Variants in ADAMTS2 observed in about 807,000 individuals in gnomAD.
The protein encoded by ADAMTS2 is A disintegrin and metalloproteinase with thrombospondin motifs 2.
A neutral mutation model predicts 123.0 loss-of-function variants in ADAMTS2; 50 were observed. The observed-to-expected ratio is 0.41, with a 90% confidence interval of 0.32 to 0.51. The LOEUF is 0.51. ADAMTS2 is among the 20% of genes least tolerant of loss of function. The pLI is 0.35. For synonymous variants in ADAMTS2, 678 were observed against 695.4 expected (o/e 0.98, Z 0.39); for missense variants, 1,494 against 1,705.2 (o/e 0.88, Z 2.18).
chr5:179,328,140 C>G (rs551113633), intron 2 of ADAMTS2, among the ~76,000 whole-genome samples: 1 of 152,372 alleles, frequency 6.6e-6, no homozygotes, highest in East Asian at 1.9e-4. Context: ...TCACGCCATT[C>G]TCCTGCCTCA....
At chr5:179,250,209 A>G (rs1169007082) in intron 3 of ADAMTS2, among the ~76,000 whole-genome samples, 1 of 152,226 alleles carries the variant, frequency 6.6e-6, no homozygotes, top group African/African-American at 2.4e-5. Flanking sequence ...GATAAAGGGT[A>G]TTTACGAAAA....
At chr5:179,133,211 C>A (rs1051323577) in intron 13 of ADAMTS2, among the ~76,000 whole-genome samples, 1 of 152,174 alleles carries the variant, frequency 6.6e-6, no homozygotes, top group African/African-American at 2.4e-5. Flanking sequence ...GAGGCCCAGG[C>A]AGGCACCGTC....
chr5:179,198,182 TC>T (rs1025195141), intron 4 of ADAMTS2, among the ~76,000 whole-genome samples: 1 of 152,000 alleles, frequency 6.6e-6, no homozygotes, highest in African/African-American at 2.4e-5. Flanking sequence ...CCCCTTATCC[TC>T]CCGGCTGGGC....
At chr5:179,257,383 T>A (rs1766085487) in intron 3 of ADAMTS2, among the ~76,000 whole-genome samples, 1 of 152,082 alleles carries the variant, frequency 6.6e-6, no homozygotes, top group Non-Finnish European at 1.5e-5. Flanking sequence ...CGGGTATAGG[T>A]GCCGGGAGCC....
chr5:179,188,075 G>A lies in ADAMTS2; in HGVS notation c.892-6920C>T, dbSNP rs1289113212. On this transcript the variant is annotated intron_variant, in intron 4 of 21. Transcript: ENST00000251582. The surrounding 1 kb of genome is among the most constrained non-coding windows in gnomAD (Gnocchi z 5.1). The stretch of plus-strand genomic sequence containing the variant: ...GGGAACCGGTGCAGGCTCCCTACTG[G>A]GGAGGCCTACTGGCCTGCCAGCCAC... Among the ~76,000 whole-genome samples the A allele has an allele frequency of 1.3e-5, 2 of 152,124 alleles. No homozygotes were observed. Among genetic ancestry groups the A allele is most frequent in the East Asian group, 3.9e-4 (2 of 5,170 alleles).
In ADAMTS2 at chr5:179,155,483, C is replaced by T. The variant is rs1413140010; in HGVS notation, c.1133-564G>A. Among the ~76,000 whole-genome samples the T allele has an allele frequency of 6.6e-6, 1 of 152,208 alleles. No individual in the cohort carries two copies. The highest frequency in any genetic ancestry group is 2.4e-5 in the African/African-American group (1 of 41,456). On this transcript the variant is annotated intron_variant, in intron 6 of 21. Coordinates refer to ENST00000251582, the MANE Select transcript of ADAMTS2 (RefSeq NM_014244.5). The surrounding 1 kb of genome is among the most constrained non-coding windows in gnomAD (Gnocchi z 5.1). ...TGCCGCAGAAGGCTGCAAAGCTGTT[C>T]AGCCGATGGGCCACACTACCCTGCA...
At chr5:179,329,178 T>C (rs1367211599) in intron 2 of ADAMTS2, among the ~76,000 whole-genome samples, 1 of 151,950 alleles carries the variant, frequency 6.6e-6, no homozygotes, top group South Asian at 2.1e-4. Context: ...ATACAAAAAA[T>C]TAGCCGGGTG....
In ADAMTS2 at chr5:179,140,012, G is replaced by T; in HGVS notation, c.1653C>A (p.Ile551=). 1 of 1,614,178 alleles carries T rather than the reference G, an allele frequency of 6.2e-7. No individual in the cohort carries two copies. The highest frequency in any genetic ancestry group is 8.5e-7 in the Non-Finnish European group (1 of 1,180,034). ...PGKHCFKGHC[I]WLTPDILKRD... ...GTTTGAGGATGTCAGGTGTCAGCCA[G>T]ATGCAGTGTCCTTTAAAACAATGCT... Residue 551 remains isoleucine (I), a synonymous_variant, in exon 11 of 22, where the codon ATC becomes ATA. Coordinates refer to ENST00000251582, the MANE Select transcript of ADAMTS2 (RefSeq NM_014244.5).
In ADAMTS2 at chr5:179,130,232, C is replaced by T; in HGVS notation, c.2291-134G>A. ...TCTCTGGCTGCCCCCGGCCAGTTTCCTCTGTGCCACGACAGCCCAGATGGC... is the reference window on the plus strand; with the variant it reads ...TCTCTGGCTGCCCCCGGCCAGTTTCTTCTGTGCCACGACAGCCCAGATGGC... On this transcript the variant is annotated intron_variant, in intron 15 of 21. Coordinates refer to ENST00000251582, the MANE Select transcript of ADAMTS2 (RefSeq NM_014244.5). The surrounding 1 kb of genome is among the most constrained non-coding windows in gnomAD (Gnocchi z 4.3). 1 of 1,115,384 alleles carries T rather than the reference C, an allele frequency of 9.0e-7. No homozygotes were observed. Among genetic ancestry groups the T allele is most frequent in the Non-Finnish European group, 1.3e-6 (1 of 756,592 alleles). The allele number at this position is 1,115,384 out of a possible 1,614,324, so 69.1% of individuals were successfully genotyped here. A position where few individuals can be genotyped will look rare whatever the true frequency, so the allele number is the denominator to read the frequency against.
chr5:179,147,155 C>A (rs961521581), intron 10 of ADAMTS2, among the ~76,000 whole-genome samples: 2 of 152,182 alleles, frequency 1.3e-5, no homozygotes, highest in Non-Finnish European at 2.9e-5. Flanking sequence ...GTGGCATGAT[C>A]TTGACTCACT....
chr5:179,128,251 C>T lies in ADAMTS2; in HGVS notation c.2458-133G>A, dbSNP rs1330225876. The T allele has an allele frequency of 2.7e-6, 3 of 1,126,824 alleles. No homozygotes were observed. The highest frequency in any genetic ancestry group is 3.1e-5 in the African/African-American group (2 of 65,328). 69.8% of individuals were successfully genotyped at this position (1,126,824 alleles called of 1,614,324 possible). A position where few individuals can be genotyped will look rare whatever the true frequency, so the allele number is the denominator to read the frequency against. On this transcript the variant is annotated intron_variant, in intron 16 of 21. Transcript: ENST00000251582. This position sits in a 1 kb window ranked among gnomAD's most constrained non-coding sequence, Gnocchi z 4.9. ...ATGGCAGTTACATTCCATGAAGTCG[C>T]CCCGAGCACCAAATTCTTGAATAGG... is the stretch of plus-strand genomic sequence containing the variant.
In ADAMTS2 at chr5:179,272,765, G is replaced by T; in HGVS notation, c.688+146C>A. On this transcript the variant is annotated intron_variant, in intron 3 of 21. Coordinates refer to ENST00000251582, the MANE Select transcript of ADAMTS2 (RefSeq NM_014244.5). This position sits in a 1 kb window ranked among gnomAD's most constrained non-coding sequence, Gnocchi z 5.8. ...CGCCCTGCCGTCAGCCAGGCAGCTG[G>T]CCCATTTCTGAGCCACTGAGACCGG... The T allele has an allele frequency of 9.5e-7, 1 of 1,055,920 alleles. No homozygotes were observed. The highest frequency in any genetic ancestry group is 1.3e-6 in the Non-Finnish European group (1 of 744,422). The allele number at this position is 1,055,920 out of a possible 1,614,324, so 65.4% of individuals were successfully genotyped here. A position where few individuals can be genotyped will look rare whatever the true frequency, so the allele number is the denominator to read the frequency against.
At chr5:179,289,613 TTGC>T (rs1756130051) in intron 2 of ADAMTS2, among the ~76,000 whole-genome samples, 1 of 152,096 alleles carries the variant, frequency 6.6e-6, no homozygotes, top group Non-Finnish European at 1.5e-5. Context: ...AAAGAGTGGT[TTGC>T]TCATCAAGCC....
At chr5:179,122,865 C>T in intron 19 of ADAMTS2, 92 bp from the exon 20 acceptor site, 1 of 1,528,010 alleles carries the variant, frequency 6.5e-7, no homozygotes, top group East Asian at 2.5e-5. Flanking sequence ...AGGCACATGA[C>T]CCATGCGCTC....
chr5:179,324,474 T>A (rs1450209006), intron 2 of ADAMTS2, among the ~76,000 whole-genome samples: 1 of 147,152 alleles, frequency 6.8e-6, no homozygotes, highest in African/African-American at 2.5e-5. Context: ...CACTGCAACC[T>A]CCACCTCCAG....
At chr5:179,199,703 C>G (rs544594043) in intron 4 of ADAMTS2, among the ~76,000 whole-genome samples, 1 of 152,278 alleles carries the variant, frequency 6.6e-6, no homozygotes, top group East Asian at 1.9e-4. Context: ...GTGAAATCCT[C>G]TCTTCTTCCT....
At chr5:179,326,496 C>T (rs1757324169) in intron 2 of ADAMTS2, among the ~76,000 whole-genome samples, 1 of 149,312 alleles carries the variant, frequency 6.7e-6, no homozygotes, top group East Asian at 2.0e-4. Context: ...CCCCGCCCCC[C>T]ACTCCCATGC....
intron 3 of ADAMTS2, among the ~76,000 whole-genome samples, chr5:179,270,657 G>A (rs1316281802): frequency 1.3e-5 from 2 of 152,236 alleles, no homozygotes; most frequent in Non-Finnish European, 2.9e-5. Context: ...AAAAGGCCCA[G>A]GCAGATGGAA....
intron 5 of ADAMTS2, among the ~76,000 whole-genome samples, chr5:179,161,583 C>T (rs907923088): frequency 6.6e-6 from 1 of 152,064 alleles, no homozygotes; most frequent in Non-Finnish European, 1.5e-5. Context: ...TCCAAAAGTG[C>T]GGCAAGATGG....
Sources: gnomAD v4.1 joint callset for allele counts (sites outside exome capture counted in the v4.1 genomes callset) on GRCh38, gnomAD v4.1.1 for gene constraint, Gnocchi (gnomAD v3.1) non-coding constraint, MANE v1.5 for transcripts, NCBI Gene and HGNC (gene_info 2026-07-23, HGNC 2026-07-21) for gene names.